TMEM9B: variants seen among roughly 807,000 people sequenced by gnomAD.
TMEM9B encodes transmembrane protein 9B.
Under a neutral mutation model 23.5 loss-of-function variants are expected in TMEM9B, and 8 were observed. The ratio of observed to expected loss-of-function variants is 0.34; its 90% CI spans 0.20 to 0.61. The LOEUF is 0.61. Among genes scored for constraint, TMEM9B ranks in the 20% least tolerant of loss-of-function variants. The pLI, the probability that TMEM9B is intolerant of heterozygous loss-of-function variation, is 0.78. For missense variants in TMEM9B, 197 were observed against 252.3 expected (o/e 0.78, Z 1.49); for synonymous variants, 106 against 96.3 (o/e 1.10, Z -0.59).
At chr11:8,963,827 G>T (rs935777400) in intron 1 of TMEM9B, among the ~76,000 whole-genome samples, 3 of 152,036 alleles carry the variant, frequency 2.0e-5, no homozygotes, top group Non-Finnish European at 4.4e-5. Flanking sequence ...GGCTGGCGGA[G>T]GGCGCAGGTG....
chr11:8,964,430 C>T lies in TMEM9B; in HGVS notation c.-117G>A. On this transcript the variant is annotated 5_prime_UTR_variant, in exon 1 of 5. Transcript: ENST00000534025. ...GGGACCCGGCTGGGGATCCTCCGCC[C>T]GCACTTCCGTCTGGACGCGAAGGCG... is the stretch of plus-strand genomic sequence containing the variant. 1 of 1,432,808 alleles carries T rather than the reference C, an allele frequency of 7.0e-7. No individual in the cohort carries two copies. 88.8% of individuals were successfully genotyped at this position (1,432,808 alleles called of 1,614,324 possible).
rs752559827 is a variant in TMEM9B, at chr11:8,957,577, T to C, written c.198-1279A>G. ...TCTCTTGGGGACACCCAATACTCTA[T>C]AGAGTGATTCCTTCTCTTTCCCCAC... On this transcript the variant is annotated intron_variant, in intron 2 of 4. Transcript: ENST00000534025. This position sits in a 1 kb window ranked among gnomAD's most constrained non-coding sequence, Gnocchi z 4.3. 6.6e-6 allele frequency among the ~76,000 whole-genome samples: 1 copy of C among 152,220 alleles called. No individual in the cohort carries two copies. The highest frequency in any genetic ancestry group is 1.5e-5 in the Non-Finnish European group (1 of 68,026).
At chr11:8,964,561 C>T (rs1854163963), upstream of TMEM9B, 5 of 1,153,236 alleles carry the variant, frequency 4.3e-6, no homozygotes, top group South Asian at 2.0e-5. Flanking sequence ...TTGGCCTAGC[C>T]CCGGCCCCGG....
At chr11:8,951,934 C>T (rs1448300582) in intron 4 of TMEM9B, among the ~76,000 whole-genome samples, 1 of 151,470 alleles carries the variant, frequency 6.6e-6, no homozygotes, top group African/African-American at 2.4e-5. Context: ...GGTGAAACTC[C>T]GTCTCTACTA....
intron 2 of TMEM9B, among the ~76,000 whole-genome samples, chr11:8,959,063 A>C (rs1389956885): frequency 1.3e-5 from 2 of 152,224 alleles, no homozygotes; most frequent in Non-Finnish European, 2.9e-5. Flanking sequence ...AGAGGGAACT[A>C]TATCCCATAA....
upstream of TMEM9B, chr11:8,964,598 G>A (rs1854165433): frequency 2.9e-6 from 2 of 690,468 alleles, no homozygotes; most frequent in Admixed American, 7.9e-5. Context: ...TGGGGTGGCA[G>A]CCTGGGCCCA....
chr11:8,955,297 C>A (rs138252715), intron 3 of TMEM9B, among the ~76,000 whole-genome samples: 1 of 152,158 alleles, frequency 6.6e-6, no homozygotes, highest in East Asian at 1.9e-4. Context: ...GGGACGGGAC[C>A]AGTTTCATGG....
At chr11:8,964,599 C>A, upstream of TMEM9B, 2 of 683,876 alleles carry the variant, frequency 2.9e-6, no homozygotes, top group Non-Finnish European at 4.3e-6. Flanking sequence ...GGGGTGGCAG[C>A]CTGGGCCCAG....
chr11:8,948,912 G>C (rs767819563), intron 4 of TMEM9B, among the ~76,000 whole-genome samples: 18 of 152,186 alleles, frequency 1.2e-4, no homozygotes, highest in Non-Finnish European at 2.2e-4. Context: ...ATCTGTGGCA[G>C]AGGAAAGATC....
intron 3 of TMEM9B, among the ~76,000 whole-genome samples, chr11:8,953,960 G>T (rs140284705): frequency 2.6e-5 from 4 of 152,280 alleles, no homozygotes; most frequent in African/African-American, 9.6e-5. Flanking sequence ...AAAGACATAT[G>T]TGCAGATATT....
intron 4 of TMEM9B, among the ~76,000 whole-genome samples, chr11:8,952,282 T>G (rs56192556): frequency 2.3e-4 from 1 of 4,344 alleles, no homozygotes; most frequent in Non-Finnish European, 2.0e-3. Flanking sequence ...ACACACACGC[T>G]ATATATATAT....
At chr11:8,954,006 C>A (rs547423144) in intron 3 of TMEM9B, among the ~76,000 whole-genome samples, 1 of 152,200 alleles carries the variant, frequency 6.6e-6, no homozygotes, top group Non-Finnish European at 1.5e-5. Context: ...AAAACCCAGA[C>A]ATAATCCAAA....
rs1854152452 is a variant in TMEM9B at position 8,964,369 on chromosome 11, G to GGCTCGGGCTCA, written c.-57_-56insTGAGCCCGAGC. Reference sequence around the variant, plus strand: ...AGCCCCCGCGACCGGCTCCCGGCTCGGGCTCAGGCTCAGGCTCAGGCTCAG... The same window carrying GGCTCGGGCTCA: ...AGCCCCCGCGACCGGCTCCCGGCTCGGCTCGGGCTCAGGCTCAGGCTCAGGCTCAGGCTCAG... On this transcript the variant is annotated 5_prime_UTR_variant, in exon 1 of 5. Coordinates refer to ENST00000534025, the MANE Select transcript of TMEM9B (RefSeq NM_020644.3). 1.2e-5 allele frequency: 18 copies of GGCTCGGGCTCA among 1,516,026 alleles called. No homozygotes were observed. Among genetic ancestry groups the GGCTCGGGCTCA allele is most frequent in the Admixed American group, 4.3e-5 (2 of 46,488 alleles). The allele number at this position is 1,516,026 out of a possible 1,614,324, so 93.9% of individuals were successfully genotyped here.
chr11:8,964,745 A>G, upstream of TMEM9B: 2 of 158,280 alleles, frequency 1.3e-5, no homozygotes, highest in Non-Finnish European at 1.3e-5. Flanking sequence ...GCCTCTGGCG[A>G]CCCGTGCGGG....
chr11:8,951,216 A>G (rs1444720235), intron 4 of TMEM9B, among the ~76,000 whole-genome samples: 1 of 152,190 alleles, frequency 6.6e-6, no homozygotes, highest in Non-Finnish European at 1.5e-5. Context: ...TCAGGAACAG[A>G]TATTTAACGC....
rs780905540 is a variant in TMEM9B at position 8,953,250 on chromosome 11, G to A, written c.394C>T (p.Arg132Cys). The A allele has an allele frequency of 1.2e-5, 19 of 1,613,958 alleles. No homozygotes were observed. The highest frequency in any genetic ancestry group is 1.6e-4 in the Middle Eastern group (1 of 6,084). ...ATCAACTGTGCATGTCCAAAGAGGC[G>A]CCTCTTCAGTATGGGCTCAACCAGA... ...LTLVEPILKR[R>C]LFGHAQLIQS... The change falls in exon 4 of 5, where the codon CGC becomes TGC. Residue 132 changes from arginine (R) to cysteine (C), a missense_variant. Coordinates refer to ENST00000534025, the MANE Select transcript of TMEM9B (RefSeq NM_020644.3).
At chr11:8,964,487 C>G, upstream of TMEM9B, 1 of 1,417,326 alleles carries the variant, frequency 7.1e-7, no homozygotes, top group Non-Finnish European at 9.2e-7. Flanking sequence ...ATGCAAAAAG[C>G]ATCCGCCCCG....
At chr11:8,953,943 T>C (rs1319610130) in intron 3 of TMEM9B, among the ~76,000 whole-genome samples, 1 of 152,194 alleles carries the variant, frequency 6.6e-6, no homozygotes, top group East Asian at 1.9e-4. Flanking sequence ...AACATATATA[T>C]CCATACAAAG....
intron 1 of TMEM9B, 126 bp downstream of exon 1, chr11:8,964,083 C>T (rs1854136917): frequency 7.4e-6 from 7 of 945,096 alleles, no homozygotes; most frequent in African/African-American, 1.7e-5. Context: ...GGGGGTCTGC[C>T]GGAGCTGTGA....
Sources: gnomAD v4.1 joint callset for allele counts (sites outside exome capture counted in the v4.1 genomes callset) on GRCh38, gnomAD v4.1.1 for gene constraint, Gnocchi (gnomAD v3.1) non-coding constraint, MANE v1.5 for transcripts, NCBI Gene and HGNC (gene_info 2026-07-23, HGNC 2026-07-21) for gene names.